DLG2: variants seen among roughly 807,000 people sequenced by gnomAD.
DLG2 encodes disks large homolog 2.
DLG2 carries 45 observed loss-of-function variants against 132.5 expected under a neutral mutation model. The ratio of observed to expected loss-of-function variants is 0.34; its 90% CI spans 0.27 to 0.44. The LOEUF (loss-of-function observed/expected upper bound fraction) is 0.44, where lower values mean the gene tolerates loss of function less well. DLG2 is among the 20% of genes least tolerant of loss of function. The pLI, the probability that DLG2 is intolerant of heterozygous loss-of-function variation, is 1.00. For missense variants in DLG2, 1,045 were observed against 1,196.9 expected, an observed-to-expected ratio of 0.87 and a Z score of 1.87; for synonymous variants, 424 against 419.6, an observed-to-expected ratio of 1.01 and a Z score of -0.13.
At chr11:85,133,085 TG>T (rs1236381285) in intron 5 of DLG2, 3 of 335,288 alleles carry the variant, frequency 8.9e-6, no homozygotes, top group African/African-American at 6.4e-5. Flanking sequence ...ATTCCTTGAT[TG>T]GAACAAGGCT....
intron 8 of DLG2, among the ~76,000 whole-genome samples, chr11:84,176,742 C>T (rs1404219834): frequency 6.6e-6 from 1 of 152,030 alleles, no homozygotes. Flanking sequence ...CAGAATTTCT[C>T]TCTCTCTGGA....
At chr11:85,272,503 C>A (rs2077599016) in intron 4 of DLG2, among the ~76,000 whole-genome samples, 1 of 152,168 alleles carries the variant, frequency 6.6e-6, no homozygotes, top group Non-Finnish European at 1.5e-5. Flanking sequence ...TTCTCCAGAA[C>A]AGTTTTGCTC....
At chr11:84,960,927 G>GT (rs1346616472) in intron 6 of DLG2, among the ~76,000 whole-genome samples, 2 of 152,076 alleles carry the variant, frequency 1.3e-5, no homozygotes, top group Admixed American at 6.6e-5. Context: ...GCTCTGGGCT[G>GT]ATAAATACAG....
rs1230095598 is a variant in DLG2, at chr11:83,841,009, C to G, written c.1566-7239G>C. Among the ~76,000 whole-genome samples the G allele has an allele frequency of 2.0e-5, 3 of 152,092 alleles. No homozygotes were observed. The East Asian group carries it at 5.8e-4, about 29-fold the overall frequency. On this transcript the variant is annotated intron_variant, in intron 16 of 27. Coordinates refer to ENST00000376104, the MANE Select transcript of DLG2 (RefSeq NM_001142699.3). ...CCCATGATCTTCATGATAAACCATT[C>G]TCAAACATTTTGAGCCTAGCTGCTT... is the stretch of plus-strand genomic sequence containing the variant.
intron 8 of DLG2, among the ~76,000 whole-genome samples, chr11:84,223,768 G>C (rs2096950258): frequency 6.6e-6 from 1 of 152,112 alleles, no homozygotes; most frequent in Non-Finnish European, 1.5e-5. Context: ...TGTTGGCCAG[G>C]CTGGCCTCAA....
At chr11:84,829,165 A>G (rs1007563647) in intron 6 of DLG2, among the ~76,000 whole-genome samples, 9 of 151,694 alleles carry the variant, frequency 5.9e-5, no homozygotes, top group Non-Finnish European at 1.3e-4. Flanking sequence ...CCAAATAATC[A>G]CTGTCCTTCT....
chr11:84,451,369 A>AT (rs2099051134), intron 7 of DLG2, among the ~76,000 whole-genome samples: 1 of 151,600 alleles, frequency 6.6e-6, no homozygotes, highest in South Asian at 2.1e-4. Context: ...GCAGATAATT[A>AT]TTTTTTCTTG....
chr11:83,614,681 C>T lies in DLG2; in HGVS notation c.1940+18530G>A, dbSNP rs537869594. On this transcript the variant is annotated intron_variant, in intron 19 of 27. Transcript: ENST00000376104. ...GCTGCAGTGAGCCGTGATCACACCA[C>T]TGCACTCCAGCCTGGGCAACAGAGC... Among the ~76,000 whole-genome samples, 369 of 152,176 alleles carry T rather than the reference C, an allele frequency of 2.4e-3. 1 individual carries two copies. The highest frequency in any genetic ancestry group is 4.2e-3 in the Non-Finnish European group (284 of 68,002).
At chr11:85,191,162 G>GCGCGCGCGCACA (rs34410192) in intron 4 of DLG2, among the ~76,000 whole-genome samples, 3 of 139,842 alleles carry the variant, frequency 2.1e-5, no homozygotes, top group Non-Finnish European at 3.1e-5. Context: ...GCGCACGCGC[G>GCGCGCGCGCACA]CACACACACA....
rs929319346 is a variant in DLG2, at chr11:84,882,399, C to A, written c.357+229262G>T. ...GAAAGTTTGGGATTTTCTTTTTTCT[C>A]CCTTAAGAAGTAACAAAACAAGCCT... On this transcript the variant is annotated intron_variant, in intron 6 of 27. Coordinates refer to ENST00000376104, the MANE Select transcript of DLG2 (RefSeq NM_001142699.3). 4.6e-5 allele frequency among the ~76,000 whole-genome samples: 7 copies of A among 152,022 alleles called. No individual in the cohort carries two copies. The East Asian group carries it at 1.2e-3, about 25-fold the overall frequency.
At chr11:85,273,841 A>T (rs974166020) in intron 4 of DLG2, among the ~76,000 whole-genome samples, 3 of 152,230 alleles carry the variant, frequency 2.0e-5, no homozygotes, top group Non-Finnish European at 4.4e-5. Flanking sequence ...AATATCAAAG[A>T]CTTGGAACCA....
At chr11:84,343,095 G>A (rs2098523041) in intron 7 of DLG2, among the ~76,000 whole-genome samples, 1 of 152,162 alleles carries the variant, frequency 6.6e-6, no homozygotes, top group Non-Finnish European at 1.5e-5. Flanking sequence ...AAGTAATGTG[G>A]GAACATGGGT....
chr11:85,478,178 TTTTA>T (rs879558022), intron 3 of DLG2, among the ~76,000 whole-genome samples: 1 of 151,886 alleles, frequency 6.6e-6, no homozygotes, highest in African/African-American at 2.4e-5. Flanking sequence ...TACTAACTTA[TTTTA>T]TTTATTTATT....
At chr11:85,196,004 ACTTT>A (rs931316383) in intron 4 of DLG2, among the ~76,000 whole-genome samples, 1 of 152,288 alleles carries the variant, frequency 6.6e-6, no homozygotes. Context: ...TTGTGGTAGA[ACTTT>A]CTTTAAATAT....
chr11:85,482,422 G>C (rs1433078815), intron 3 of DLG2, among the ~76,000 whole-genome samples: 2 of 152,128 alleles, frequency 1.3e-5, no homozygotes, highest in Non-Finnish European at 2.9e-5. Context: ...AGATCCTATG[G>C]TCCAATGATG....
chr11:84,311,191 G>A (rs2098282667), intron 7 of DLG2, among the ~76,000 whole-genome samples: 1 of 152,016 alleles, frequency 6.6e-6, no homozygotes, highest in African/African-American at 2.4e-5. Flanking sequence ...TTATAAGGAA[G>A]ACATCAAAAA....
In DLG2 at chr11:85,504,508, A is replaced by G. The variant is rs2093881382; in HGVS notation, c.40+94149T>C. 2.6e-5 allele frequency among the ~76,000 whole-genome samples: 4 copies of G among 152,304 alleles called. No homozygotes were observed. In the South Asian group the frequency reaches 8.3e-4, roughly 32 times the overall value. On this transcript the variant is annotated intron_variant, in intron 3 of 27. Transcript: ENST00000376104. ...TTCTTGTTTTTGTCAGGTTTATCAAATATCAGATGGTTGTAGATGTGTGGT... is the reference window on the plus strand; with the variant it reads ...TTCTTGTTTTTGTCAGGTTTATCAAGTATCAGATGGTTGTAGATGTGTGGT...
At chr11:84,013,438 T>A (rs751146479) in intron 11 of DLG2, among the ~76,000 whole-genome samples, 4 of 152,190 alleles carry the variant, frequency 2.6e-5, no homozygotes, top group Non-Finnish European at 4.4e-5. Context: ...TGAGAAGTGC[T>A]ATATTTATGA....
chr11:83,709,474 G>C (rs2084886863), intron 18 of DLG2, among the ~76,000 whole-genome samples: 3 of 151,580 alleles, frequency 2.0e-5, no homozygotes, highest in Admixed American at 2.0e-4. Context: ...AACTAATCTG[G>C]GCAGACTTTT....
Sources: allele counts gnomAD v4.1 joint callset (sites outside exome capture counted in the v4.1 genomes callset), GRCh38; gene constraint gnomAD v4.1.1; transcripts MANE v1.5; gene names NCBI Gene and HGNC (gene_info 2026-07-23, HGNC 2026-07-21).